HK1: variants seen among roughly 807,000 people sequenced by gnomAD.
The protein encoded by HK1 is hexokinase-1.
Under a neutral mutation model 91.6 loss-of-function variants are expected in HK1, and 28 were observed. That is an observed-to-expected ratio of 0.31 (90% CI 0.23 to 0.42). The LOEUF (loss-of-function observed/expected upper bound fraction) is 0.42. HK1 is among the 10% of genes least tolerant of loss of function. The pLI, the probability that HK1 is intolerant of heterozygous loss-of-function variation, is 1.00. For missense variants in HK1, 770 were observed against 1,219.8 expected (o/e 0.63, Z 5.49); for synonymous variants, 430 against 468.1 (o/e 0.92, Z 1.05).
At chr10:69,312,835 GGTGGGGCAGTCTCTTCCAGT>G (rs1267095483), upstream of HK1, among the ~76,000 whole-genome samples, 7 of 151,196 alleles carry the variant, frequency 4.6e-5, no homozygotes, top group Admixed American at 1.3e-4. Context: ...CCCCTTTGGA[GGTGGGGCAGTCTCTTCCAGT>G]GTCTGTTGAT....
chr10:69,396,815 G>A (rs1840164572), intron 16 of HK1, among the ~76,000 whole-genome samples: 2 of 152,220 alleles, frequency 1.3e-5, no homozygotes, highest in East Asian at 1.9e-4. Flanking sequence ...CTGAGTAGCT[G>A]GGATTACAGG....
At chr10:69,346,810 C>T (rs1312788745) in intron 2 of HK1, among the ~76,000 whole-genome samples, 1 of 151,822 alleles carries the variant, frequency 6.6e-6, no homozygotes, top group East Asian at 1.9e-4. Flanking sequence ...ATATTGAAGC[C>T]TCTTAACATT....
chr10:69,283,144 A>AT (rs1350243814), intron 2 of HK1, among the ~76,000 whole-genome samples: 4 of 143,348 alleles, frequency 2.8e-5, no homozygotes, highest in East Asian at 4.2e-4. Flanking sequence ...AAAAAAAAAA[A>AT]AATGAATGAA....
intron 1 of HK1, among the ~76,000 whole-genome samples, chr10:69,341,555 C>T (rs1848292564): frequency 1.3e-5 from 2 of 151,808 alleles, no homozygotes; most frequent in South Asian, 2.1e-4. Context: ...GCCTCAACCT[C>T]TTGGGCCCAA....
intron 1 of HK1, among the ~76,000 whole-genome samples, chr10:69,332,357 T>C (rs1324374086): frequency 1.4e-5 from 2 of 140,734 alleles, no homozygotes; most frequent in African/African-American, 5.3e-5. Context: ...CTAGGCCTCA[T>C]TTTCTTTCTT....
chr10:69,279,246 G>T (rs1296916659), intron 1 of HK1, among the ~76,000 whole-genome samples: 1 of 152,172 alleles, frequency 6.6e-6, no homozygotes, highest in Non-Finnish European at 1.5e-5. Context: ...TCTAAAATGG[G>T]CTAATCCTCT....
chr10:69,355,596 C>T (rs768394899), intron 2 of HK1, among the ~76,000 whole-genome samples: 6 of 151,812 alleles, frequency 4.0e-5, no homozygotes, highest in Non-Finnish European at 7.4e-5. Flanking sequence ...TTGAGACCAG[C>T]GTGGCCAACA....
chr10:69,354,805 T>C (rs10998739), intron 2 of HK1, among the ~76,000 whole-genome samples: 69,153 of 151,912 alleles, frequency 0.46, 16,717 homozygotes, highest in African/African-American at 0.6. Flanking sequence ...CAGTGGCTCA[T>C]GCCTGTAATC....
chr10:69,284,648 C>T lies in HK1; in HGVS notation c.-215+1944C>T, dbSNP rs115068725. ...GGGCAGCATAGTGAGATCCTATTTCCCTTTTTCTGAGACAGAATCTTGCCC... is the reference window on the plus strand; with the variant it reads ...GGGCAGCATAGTGAGATCCTATTTCTCTTTTTCTGAGACAGAATCTTGCCC... On this transcript the variant is annotated intron_variant, in intron 2 of 21. Transcript: ENST00000360289. Among the ~76,000 whole-genome samples the T allele has an allele frequency of 1.7e-3, 252 of 152,096 alleles. 1 individual carries two copies. Among genetic ancestry groups the T allele is most frequent in the African/African-American group, 5.9e-3 (246 of 41,492 alleles).
intron 5 of HK1, among the ~76,000 whole-genome samples, chr10:69,301,429 C>A (rs1251430694): frequency 6.7e-6 from 1 of 149,740 alleles, no homozygotes; most frequent in South Asian, 2.1e-4. Flanking sequence ...CAAAAACTAG[C>A]CAGTTGTGGT....
intron 2 of HK1, among the ~76,000 whole-genome samples, chr10:69,347,325 T>G (rs2132700222): frequency 6.6e-6 from 1 of 151,962 alleles, no homozygotes; most frequent in Non-Finnish European, 1.5e-5. Flanking sequence ...ATTTCCTCTT[T>G]TCAGAGGGGA....
intron 8 of HK1, among the ~76,000 whole-genome samples, chr10:69,377,867 C>T (rs185445164): frequency 1.3e-5 from 2 of 152,262 alleles, no homozygotes; most frequent in Non-Finnish European, 2.9e-5. Flanking sequence ...TGAGAAACAC[C>T]GGTTAACAGA....
rs995705606 is a variant in HK1 at position 69,326,113 on chromosome 10, C to A, written c.63+7103C>A. On this transcript the variant is annotated intron_variant, in intron 1 of 17. Coordinates refer to ENST00000359426, the MANE Select transcript of HK1 (RefSeq NM_000188.3). ...CCTCCCAAAGTGTTGGGATTACAGA[C>A]GTGAGCCACCGCGCCTGGCCGCTTT... Among the ~76,000 whole-genome samples the A allele has an allele frequency of 5.3e-5, 8 of 150,654 alleles. No individual in the cohort carries two copies. The East Asian group carries it at 1.6e-3, about 29-fold the overall frequency.
chr10:69,276,742 CAT>C (rs1292256960), intron 1 of HK1, among the ~76,000 whole-genome samples: 1 of 149,406 alleles, frequency 6.7e-6, no homozygotes, highest in African/African-American at 2.4e-5. Flanking sequence ...AATAATTAAA[CAT>C]CAAATCATTC....
At chr10:69,377,312 A>G (rs1839165455) in intron 8 of HK1, among the ~76,000 whole-genome samples, 1 of 152,168 alleles carries the variant, frequency 6.6e-6, no homozygotes, top group Admixed American at 6.5e-5. Context: ...TCAAGTGCAC[A>G]GGTGATTTTC....
At chr10:69,381,091 C>T (rs1049582755) in intron 9 of HK1, among the ~76,000 whole-genome samples, 1 of 152,020 alleles carries the variant, frequency 6.6e-6, no homozygotes. Context: ...TTGCTTGAGC[C>T]CAGGAGTTCG....
rs1490678204 is a variant in HK1, at chr10:69,276,110, AAAAAAAAAATAC to A, written c.-391+6004_-391+6015del. ...CTTTTCAAAAAAAAAAAAAAAAAAA[AAAAAAAAAATAC>A]ATATATATATATATATACACATATA... On this transcript the variant is annotated intron_variant, in intron 1 of 21. Transcript: ENST00000360289. Among the ~76,000 whole-genome samples, 23 of 45,512 alleles carry A rather than the reference AAAAAAAAAATAC, an allele frequency of 5.1e-4. 2 individuals carry two copies. Among genetic ancestry groups the A allele is most frequent in the African/African-American group, 1.5e-3 (20 of 13,262 alleles). The allele number at this position is 45,512 out of a possible 152,430, so 29.9% of individuals were successfully genotyped here.
intron 1 of HK1, among the ~76,000 whole-genome samples, chr10:69,327,254 A>C (rs1183749734): frequency 6.6e-6 from 1 of 152,050 alleles, no homozygotes; most frequent in East Asian, 1.9e-4. Context: ...GCCTCTTTCC[A>C]AAGTTCTGGG....
intron 1 of HK1, among the ~76,000 whole-genome samples, chr10:69,273,458 C>T (rs1471445551): frequency 6.6e-6 from 1 of 152,156 alleles, no homozygotes; most frequent in African/African-American, 2.4e-5. Context: ...CATCATGATC[C>T]GCCCACCTCG....
Sources: gnomAD v4.1 joint callset for allele counts (sites outside exome capture counted in the v4.1 genomes callset) on GRCh38, gnomAD v4.1.1 for gene constraint, MANE v1.5 for transcripts, NCBI Gene and HGNC (gene_info 2026-07-23, HGNC 2026-07-21) for gene names.